CCDC181: variants seen among roughly 807,000 people sequenced by gnomAD.
CCDC181 encodes the protein coiled-coil domain containing 181, also known as coiled-coil domain-containing protein 181.
CCDC181 carries 35 observed loss-of-function variants against 58.7 expected under a neutral mutation model. The ratio of observed to expected loss-of-function variants is 0.60; its 90% confidence interval spans 0.46 to 0.79. CCDC181 has a LOEUF of 0.79. CCDC181 is among the 30% of genes least tolerant of loss of function. The pLI is 0.00. For synonymous variants in CCDC181, 183 were observed against 197.5 expected (o/e 0.93, Z 0.62); for missense variants, 517 against 583.9 (o/e 0.89, Z 1.18).
chr1:169,458,073 C>A (rs893633146), intron 2 of CCDC181, among the ~76,000 whole-genome samples: 1 of 151,782 alleles, frequency 6.6e-6, no homozygotes, highest in African/African-American at 2.4e-5. Context: ...CATTTTCATT[C>A]CTGTATAGTC....
intron 4 of CCDC181, among the ~76,000 whole-genome samples, chr1:169,403,484 C>G (rs1655472007): frequency 6.6e-6 from 1 of 152,212 alleles, no homozygotes; most frequent in African/African-American, 2.4e-5. Flanking sequence ...TGCAATCAAA[C>G]TAGAACGCAG....
intron 2 of CCDC181, among the ~76,000 whole-genome samples, chr1:169,449,868 C>T (rs1657485154): frequency 6.6e-6 from 1 of 152,152 alleles, no homozygotes. Flanking sequence ...TTGGCTGCAG[C>T]CTCACAGATA....
intron 2 of CCDC181, among the ~76,000 whole-genome samples, chr1:169,446,541 A>C (rs1375126143): frequency 1.3e-5 from 2 of 152,236 alleles, no homozygotes; most frequent in Non-Finnish European, 2.9e-5. Flanking sequence ...TTTGCTAATA[A>C]ACAGTCATCC....
intron 4 of CCDC181, among the ~76,000 whole-genome samples, chr1:169,416,723 CAG>C (rs1287661240): frequency 6.6e-6 from 1 of 152,140 alleles, no homozygotes; most frequent in Non-Finnish European, 1.5e-5. Flanking sequence ...AAATCTTACT[CAG>C]TGTATTATTA....
chr1:169,440,970 T>C (rs1185050678), intron 2 of CCDC181, among the ~76,000 whole-genome samples: 1 of 125,888 alleles, frequency 7.9e-6, no homozygotes, highest in Non-Finnish European at 1.6e-5. Flanking sequence ...TGGCGTAACA[T>C]GAAATCTATT....
At chr1:169,446,001 G>A (rs1657363130) in intron 2 of CCDC181, among the ~76,000 whole-genome samples, 1 of 151,962 alleles carries the variant, frequency 6.6e-6, no homozygotes, top group Non-Finnish European at 1.5e-5. Context: ...TCCTTGGTTG[G>A]TTTGGCTTGA....
chr1:169,394,931 A>G lies in CCDC181; in HGVS notation c.*116T>C. Reference sequence around the variant, plus strand: ...GTATTAAAAAAACAAATTCACTGTCAATAAAAGATAAATACCATTTCCATA... The same window carrying G: ...GTATTAAAAAAACAAATTCACTGTCGATAAAAGATAAATACCATTTCCATA... On this transcript the variant is annotated 3_prime_UTR_variant, in exon 6 of 6. Coordinates refer to ENST00000367806, the MANE Select transcript of CCDC181 (RefSeq NM_001300969.2). 1 of 951,508 alleles carries G rather than the reference A, an allele frequency of 1.1e-6. No individual in the cohort carries two copies. The highest frequency in any genetic ancestry group is 1.5e-6 in the Non-Finnish European group (1 of 676,264). 58.9% of individuals were successfully genotyped at this position (951,508 alleles called of 1,614,324 possible).
intron 1 of CCDC181, among the ~76,000 whole-genome samples, chr1:169,426,947 G>T (rs1023629017): frequency 1.6e-4 from 24 of 152,128 alleles, no homozygotes; most frequent in Admixed American, 1.5e-3. Context: ...CCTCCTCATG[G>T]AAGCTACAAT....
intron 2 of CCDC181, among the ~76,000 whole-genome samples, chr1:169,443,781 T>C (rs748109613): frequency 1.3e-4 from 20 of 152,170 alleles, no homozygotes; most frequent in Non-Finnish European, 2.4e-4. Context: ...AGAATAATCA[T>C]CTTCTGCTCA....
At chr1:169,423,946 T>C (rs982413448) in intron 2 of CCDC181, among the ~76,000 whole-genome samples, 3 of 152,008 alleles carry the variant, frequency 2.0e-5, no homozygotes, top group African/African-American at 7.2e-5. Context: ...AACTAAGAAA[T>C]CTGTAATATA....
intron 2 of CCDC181, among the ~76,000 whole-genome samples, chr1:169,449,090 T>C (rs748580461): frequency 6.6e-6 from 1 of 152,216 alleles, no homozygotes; most frequent in African/African-American, 2.4e-5. Context: ...ACTAGAACCC[T>C]TAAATATTAA....
chr1:169,407,703 G>A (rs1379222763), intron 4 of CCDC181, among the ~76,000 whole-genome samples: 1 of 152,216 alleles, frequency 6.6e-6, no homozygotes, highest in African/African-American at 2.4e-5. Context: ...GAAGGCAGGT[G>A]ATTTCTGCGT....
chr1:169,434,702 G>T (rs917867025), intron 2 of CCDC181, among the ~76,000 whole-genome samples: 70 of 151,958 alleles, frequency 4.6e-4, no homozygotes, highest in African/African-American at 1.6e-3. Flanking sequence ...AAAACCCACA[G>T]CAAACATCAT....
chr1:169,402,167 A>G (rs960858387), intron 4 of CCDC181, among the ~76,000 whole-genome samples: 1 of 152,204 alleles, frequency 6.6e-6, no homozygotes, highest in Admixed American at 6.5e-5. Flanking sequence ...GAAAAGACCA[A>G]ATCTACGTCT....
chr1:169,422,447 T>C, intron 2 of CCDC181, 134 bp from the exon 3 acceptor site: 1 of 596,468 alleles, frequency 1.7e-6, no homozygotes, highest in Non-Finnish European at 2.8e-6. Flanking sequence ...CATAATTTGC[T>C]CATAACATTC....
Position 169,421,447 on chromosome 1 carries a change from T to G in CCDC181, c.984A>C (p.Pro328=). ...NHRTQSAHIS[P]VTSTYCLSPR... is the part of the protein sequence containing the mutation. Reference sequence around the variant, plus strand: ...GGGAAAGACAGTATGTTGAAGTCACTGGTGAGATATGTGCAGACTGTGTCC... The same window carrying G: ...GGGAAAGACAGTATGTTGAAGTCACGGGTGAGATATGTGCAGACTGTGTCC... Residue 328 remains proline, a synonymous_variant, in exon 3 of 6, where the codon CCA becomes CCC. Transcript: ENST00000367806. The G allele has an allele frequency of 6.2e-7, 1 of 1,614,090 alleles. No homozygotes were observed. Among genetic ancestry groups the G allele is most frequent in the East Asian group, 2.2e-5 (1 of 44,886 alleles).
At chr1:169,447,609 G>A (rs910059349) in intron 2 of CCDC181, among the ~76,000 whole-genome samples, 1 of 152,138 alleles carries the variant, frequency 6.6e-6, no homozygotes, top group African/African-American at 2.4e-5. Flanking sequence ...TTTGACTTAT[G>A]AATTACTTAC....
At chr1:169,403,807 G>T (rs1484513967) in intron 4 of CCDC181, among the ~76,000 whole-genome samples, 1 of 152,088 alleles carries the variant, frequency 6.6e-6, no homozygotes, top group Admixed American at 6.6e-5. Flanking sequence ...AAATAACTAA[G>T]ATCAGAGCAG....
At position 169,409,733 on chromosome 1, in the gene CCDC181, T is replaced by C. The variant is rs35171152; in HGVS notation, c.1215+9280A>G. Among the ~76,000 whole-genome samples the C allele has an allele frequency of 0.06, 9,162 of 152,220 alleles. 1,411 individuals are homozygous for C. In the East Asian group the frequency reaches 0.66, roughly 11 times the overall value. On this transcript the variant is annotated intron_variant, in intron 4 of 5. Coordinates refer to ENST00000367806, the MANE Select transcript of CCDC181 (RefSeq NM_001300969.2). ...AAGCCAGAAGAGAGTAGGGGCCCAATATTCAACATTCTTAAAGAATTTTCA... is the reference window on the plus strand; with the variant it reads ...AAGCCAGAAGAGAGTAGGGGCCCAACATTCAACATTCTTAAAGAATTTTCA...
Sources: gnomAD v4.1 joint callset for allele counts (sites outside exome capture counted in the v4.1 genomes callset) on GRCh38, gnomAD v4.1.1 for gene constraint, MANE v1.5 for transcripts, NCBI Gene and HGNC (gene_info 2026-07-23, HGNC 2026-07-21) for gene names.